Variants in PREX1 observed in about 807,000 individuals in gnomAD.
PREX1 encodes phosphatidylinositol-3,4,5-trisphosphate dependent Rac exchange factor 1.
A neutral mutation model predicts 198.3 loss-of-function variants in PREX1; 41 were observed. That is an observed-to-expected ratio of 0.21 (90% CI 0.16 to 0.27). The LOEUF is 0.27. PREX1 is among the 10% of genes least tolerant of loss of function. The pLI is 1.00. For missense variants in PREX1, 1,620 were observed against 2,200.7 expected, an observed-to-expected ratio of 0.74 and a Z score of 5.28; for synonymous variants, 843 against 887.2, an observed-to-expected ratio of 0.95 and a Z score of 0.89.
At chr20:48,746,156 G>C (rs6063318) in intron 2 of PREX1, among the ~76,000 whole-genome samples, 10,377 of 152,234 alleles carry the variant, frequency 0.068, 453 homozygotes, top group South Asian at 0.18. Flanking sequence ...GAGTAGCTGG[G>C]AATACAGATG....
intron 33 of PREX1, among the ~76,000 whole-genome samples, chr20:48,633,848 C>T (rs923618971): frequency 3.3e-5 from 5 of 152,180 alleles, no homozygotes; most frequent in Non-Finnish European, 5.9e-5. Flanking sequence ...AGGGCTGAGA[C>T]GCACTGGTCT....
intron 1 of PREX1, among the ~76,000 whole-genome samples, chr20:48,770,966 C>T (rs2090232688): frequency 6.6e-6 from 1 of 152,070 alleles, no homozygotes; most frequent in African/African-American, 2.4e-5. Flanking sequence ...CAGGCACCTG[C>T]GATGGGGCAC....
Position 48,777,289 on chromosome 20 carries a change from T to A in PREX1, c.220-29409A>T, listed in dbSNP as rs187565179. ...GCCCCAATTCTCTAACTCTCCAGCC[T>A]CCAGCATGAGGCCCAGGAGCCCCCG... On this transcript the variant is annotated intron_variant, in intron 1 of 39. Coordinates refer to ENST00000371941, the MANE Select transcript of PREX1 (RefSeq NM_020820.4). Among the ~76,000 whole-genome samples the A allele has an allele frequency of 1.9e-3, 284 of 152,176 alleles. 4 individuals carry two copies. Among genetic ancestry groups the A allele is most frequent in the African/African-American group, 6.6e-3 (272 of 41,496 alleles).
rs370411306 is a variant in PREX1, at chr20:48,657,076, C to T, written c.2087G>A (p.Arg696His). The change falls in exon 18 of 40, where the codon CGC becomes CAC. Residue 696 changes from arginine to histidine, a missense_variant. Physicochemically the swap from Arg to His is conservative, Grantham distance 29. Around this residue, in one of 7 missense-constraint regions of PREX1, gnomAD observed 514 missense variants for 611.6 expected, o/e 0.84. Coordinates refer to ENST00000371941, the MANE Select transcript of PREX1 (RefSeq NM_020820.4). ...SILNQSFCSR[R>H]PLRLLVATKA... is the part of the protein sequence containing the mutation. ...CGTGGCCACCAGGAGGCGCAGAGGG[C>T]GGCGGGAGCAGAAGGACTGGTTGAG... The T allele has an allele frequency of 1.1e-5, 17 of 1,605,372 alleles. No individual in the cohort carries two copies. Among genetic ancestry groups the T allele is most frequent in the Admixed American group, 3.4e-5 (2 of 58,904 alleles).
At chr20:48,773,826 C>T (rs1405427237) in intron 1 of PREX1, among the ~76,000 whole-genome samples, 1 of 152,080 alleles carries the variant, frequency 6.6e-6, no homozygotes, top group African/African-American at 2.4e-5. Context: ...CAGGATCTGA[C>T]CTGAGTTCTT....
chr20:48,699,466 A>G (rs1488997758), intron 7 of PREX1, among the ~76,000 whole-genome samples: 4 of 152,056 alleles, frequency 2.6e-5, no homozygotes, highest in Admixed American at 2.6e-4. Flanking sequence ...CATGCATCCA[A>G]CCATCAGTTC....
intron 19 of PREX1, among the ~76,000 whole-genome samples, chr20:48,654,027 T>C (rs527972186): frequency 1.3e-5 from 2 of 152,366 alleles, no homozygotes; most frequent in African/African-American, 4.8e-5. Context: ...TGTCAAGCTT[T>C]GCCCAGACAT....
intron 1 of PREX1, among the ~76,000 whole-genome samples, chr20:48,776,100 T>C (rs1308363950): frequency 6.6e-6 from 1 of 152,120 alleles, no homozygotes; most frequent in Non-Finnish European, 1.5e-5. Context: ...ACCTTTCCCC[T>C]GGACGGTAGA....
chr20:48,751,364 G>A (rs1335752263), intron 1 of PREX1, among the ~76,000 whole-genome samples: 1 of 152,220 alleles, frequency 6.6e-6, no homozygotes, highest in Non-Finnish European at 1.5e-5. Flanking sequence ...GCACTCCGCT[G>A]GCCTAGATTG....
upstream of PREX1, among the ~76,000 whole-genome samples, chr20:48,830,872 A>G (rs139142375): frequency 2.0e-5 from 3 of 152,384 alleles, no homozygotes; most frequent in Non-Finnish European, 4.4e-5. Context: ...TAGGTGCTCA[A>G]TAAGTGAAGT....
chr20:48,762,253 G>A (rs942422015), intron 1 of PREX1, among the ~76,000 whole-genome samples: 1 of 152,092 alleles, frequency 6.6e-6, no homozygotes, highest in Non-Finnish European at 1.5e-5. Flanking sequence ...TACTCCTTTG[G>A]GCTCCTCAGT....
chr20:48,706,629 G>A (rs554663766), intron 6 of PREX1, among the ~76,000 whole-genome samples: 1 of 152,136 alleles, frequency 6.6e-6, no homozygotes, highest in Admixed American at 6.5e-5. Context: ...TGGAGCTGCC[G>A]CCTTCATGGA....
chr20:48,673,350 T>C (rs2089688550), intron 14 of PREX1, among the ~76,000 whole-genome samples: 1 of 152,216 alleles, frequency 6.6e-6, no homozygotes. Flanking sequence ...CCCACAGCAG[T>C]GCAACCCGTC....
intron 26 of PREX1, 77 bp from the exon 27 acceptor site, chr20:48,644,574 C>T: frequency 3.7e-6 from 5 of 1,339,734 alleles, no homozygotes; most frequent in Non-Finnish European, 5.2e-6. Context: ...AACCCACTTT[C>T]TACAGTGTAG....
At chr20:48,853,737 G>A in the PREX1 span, among the ~76,000 whole-genome samples, 1 of 152,166 alleles carries the variant, frequency 6.6e-6, no homozygotes, top group African/African-American at 2.4e-5. Flanking sequence ...ACAGTGTGTT[G>A]AAAGCCTGCT....
the PREX1 span, among the ~76,000 whole-genome samples, chr20:48,883,482 C>A: frequency 2.0e-5 from 3 of 151,976 alleles, no homozygotes; most frequent in African/African-American, 7.3e-5. Context: ...TGTCTTGATC[C>A]TGTATATTAT....
chr20:48,650,753 T>G (rs1264115115), intron 23 of PREX1, 141 bp downstream of exon 23: 6 of 1,134,120 alleles, frequency 5.3e-6, no homozygotes, highest in Non-Finnish European at 7.4e-6. Flanking sequence ...CCTCCGTCCT[T>G]TTCAGTAATA....
At chr20:48,766,430 A>G (rs1454633709) in intron 1 of PREX1, among the ~76,000 whole-genome samples, 1 of 152,146 alleles carries the variant, frequency 6.6e-6, no homozygotes, top group African/African-American at 2.4e-5. Context: ...CCCCATCCAG[A>G]AGGGCTCTGC....
chr20:48,637,262 T>C (rs1290149843), intron 31 of PREX1, among the ~76,000 whole-genome samples: 1 of 152,202 alleles, frequency 6.6e-6, no homozygotes, highest in African/African-American at 2.4e-5. Context: ...TTCTGGCCAG[T>C]GAGTTTTTTA....
Sources: allele counts gnomAD v4.1 joint callset (sites outside exome capture counted in the v4.1 genomes callset), GRCh38; gene constraint gnomAD v4.1.1; regional missense constraint gnomAD v4.1.1; transcripts MANE v1.5; gene names NCBI Gene and HGNC (gene_info 2026-07-23, HGNC 2026-07-21).